Variants in CACNA1C observed in about 807,000 individuals in gnomAD.
CACNA1C encodes calcium voltage-gated channel subunit alpha1 C, also known as voltage-dependent L-type calcium channel subunit alpha-1C.
Under a neutral mutation model 229.0 loss-of-function variants are expected in CACNA1C, and 30 were observed. The observed-to-expected ratio is 0.13, with a 90% confidence interval of 0.10 to 0.18. The LOEUF is 0.18. CACNA1C is among the 10% of genes least tolerant of loss of function. CACNA1C has a pLI of 1.00. For missense variants in CACNA1C, 1,658 were observed against 2,845.0 expected (o/e 0.58, Z 9.49); for synonymous variants, 1,114 against 1,132.5 (o/e 0.98, Z 0.33).
At chr12:2,065,091 G>A (rs1164860465) in intron 1 of CACNA1C, among the ~76,000 whole-genome samples, 2 of 152,148 alleles carry the variant, frequency 1.3e-5, no homozygotes, top group Non-Finnish European at 2.9e-5. Context: ...CCTCTGGGCC[G>A]CTGTGCAGAG....
intron 1 of CACNA1C, among the ~76,000 whole-genome samples, chr12:2,069,611 T>C (rs1320967510): frequency 6.6e-6 from 1 of 152,248 alleles, no homozygotes; most frequent in East Asian, 1.9e-4. Context: ...GTTCGAACCA[T>C]TTAATTTTCC....
chr12:2,292,208 A>G (rs2093584963), intron 3 of CACNA1C, among the ~76,000 whole-genome samples: 2 of 152,230 alleles, frequency 1.3e-5, no homozygotes, highest in African/African-American at 4.8e-5. Flanking sequence ...AGTAGACAAG[A>G]GAAGCCTGTG....
intron 46 of CACNA1C, 159 bp from the exon 47 acceptor site, chr12:2,690,741 C>T: frequency 3.0e-6 from 2 of 676,756 alleles, no homozygotes; most frequent in South Asian, 4.8e-5. Flanking sequence ...ACTTGTTCCC[C>T]ATGGGTGCCC....
chr12:2,118,168 G>GGGGA (rs1347135203), intron 2 of CACNA1C, among the ~76,000 whole-genome samples: 1 of 152,234 alleles, frequency 6.6e-6, no homozygotes, highest in African/African-American at 2.4e-5. Context: ...GTCTGAATGA[G>GGGGA]GGGAGGGGAA....
intron 3 of CACNA1C, among the ~76,000 whole-genome samples, chr12:2,235,895 C>A (rs2067177296): frequency 6.6e-6 from 1 of 152,184 alleles, no homozygotes; most frequent in African/African-American, 2.4e-5. Flanking sequence ...CATGCCTTAC[C>A]TAGTCTAAGT....
chr12:2,432,822 A>G (rs899479079), intron 3 of CACNA1C, among the ~76,000 whole-genome samples: 1 of 152,140 alleles, frequency 6.6e-6, no homozygotes, highest in Non-Finnish European at 1.5e-5. Flanking sequence ...ATGAACTTCC[A>G]TATCCCTTCC....
chr12:2,280,801 TTC>T (rs2090954269), intron 3 of CACNA1C, among the ~76,000 whole-genome samples: 1 of 152,240 alleles, frequency 6.6e-6, no homozygotes, highest in African/African-American at 2.4e-5. Context: ...TCTTGTTGTT[TTC>T]TGTTAGTCCC....
intron 3 of CACNA1C, among the ~76,000 whole-genome samples, chr12:2,234,824 A>G (rs183793871): frequency 1.3e-5 from 2 of 152,218 alleles, no homozygotes; most frequent in East Asian, 3.9e-4. Context: ...GATTGGCAAG[A>G]GGTGGAGGAG....
At chr12:2,005,540 C>A (rs2043247581) in intron 1 of CACNA1C, among the ~76,000 whole-genome samples, 1 of 152,184 alleles carries the variant, frequency 6.6e-6, no homozygotes, top group Admixed American at 6.5e-5. Context: ...AATTTTTAAG[C>A]CTTCAAGCCA....
intron 3 of CACNA1C, among the ~76,000 whole-genome samples, chr12:2,185,097 A>G (rs758171): frequency 0.42 from 64,305 of 152,026 alleles, 14,106 homozygotes; most frequent in African/African-American, 0.53. Context: ...GCCAAGCAGC[A>G]GGAGTTCAAA....
intron 1 of CACNA1C, among the ~76,000 whole-genome samples, chr12:2,013,208 C>T (rs531686174): frequency 6.6e-6 from 1 of 152,060 alleles, no homozygotes; most frequent in Non-Finnish European, 1.5e-5. Flanking sequence ...ATAGAGACAA[C>T]AATAGTGGTA....
At chr12:1,987,143 G>A (rs1242598504) in intron 1 of CACNA1C, among the ~76,000 whole-genome samples, 1 of 152,182 alleles carries the variant, frequency 6.6e-6, no homozygotes, top group Admixed American at 6.5e-5. Flanking sequence ...CAAACGATTT[G>A]TTAATACAAA....
At chr12:1,989,260 C>T (rs2038703272) in intron 1 of CACNA1C, among the ~76,000 whole-genome samples, 1 of 152,166 alleles carries the variant, frequency 6.6e-6, no homozygotes, top group African/African-American at 2.4e-5. Context: ...CGGTTTAGCC[C>T]AGGAGTTCAA....
intron 27 of CACNA1C, among the ~76,000 whole-genome samples, chr12:2,609,458 A>G (rs1397848405): frequency 6.6e-6 from 1 of 151,592 alleles, no homozygotes; most frequent in Non-Finnish European, 1.5e-5. Flanking sequence ...TCAAGTCTAC[A>G]TCTCAGGCAT....
chr12:2,427,157 T>G (rs1396696942), intron 3 of CACNA1C, among the ~76,000 whole-genome samples: 1 of 152,160 alleles, frequency 6.6e-6, no homozygotes, highest in Non-Finnish European at 1.5e-5. Flanking sequence ...GGACCTGTGC[T>G]TCCCAGTGCC....
chr12:2,656,972 G>GA (rs2095455742), intron 34 of CACNA1C, among the ~76,000 whole-genome samples: 1 of 152,268 alleles, frequency 6.6e-6, no homozygotes, highest in East Asian at 1.9e-4. Context: ...AAATTATGAG[G>GA]AAAAATGTAT....
intron 1 of CACNA1C, among the ~76,000 whole-genome samples, chr12:1,997,376 T>C (rs1352438735): frequency 6.6e-6 from 1 of 152,096 alleles, no homozygotes; most frequent in Non-Finnish European, 1.5e-5. Flanking sequence ...AAAAATTAGC[T>C]GGGCGTGGTG....
At chr12:2,190,891 C>T (rs1162797168) in intron 3 of CACNA1C, among the ~76,000 whole-genome samples, 1 of 152,170 alleles carries the variant, frequency 6.6e-6, no homozygotes, top group Non-Finnish European at 1.5e-5. Context: ...CTTTTAAACC[C>T]CTGAGTCTGG....
chr12:2,324,256 C>T (rs1020675718), intron 3 of CACNA1C, among the ~76,000 whole-genome samples: 5 of 152,198 alleles, frequency 3.3e-5, no homozygotes, highest in Non-Finnish European at 7.3e-5. Context: ...TGGCACAAAA[C>T]GTGAAACCAC....
Sources: allele counts gnomAD v4.1 joint callset (sites outside exome capture counted in the v4.1 genomes callset), GRCh38; gene constraint gnomAD v4.1.1; transcripts MANE v1.5; gene names NCBI Gene and HGNC (gene_info 2026-07-23, HGNC 2026-07-21).